The following TULP4 variants were observed in gnomAD, a reference collection of about 807,000 sequenced individuals.
TULP4 encodes TUB like protein 4.
TULP4 carries 16 observed loss-of-function variants against 129.0 expected under a neutral mutation model. The ratio of observed to expected loss-of-function variants is 0.12; its 90% CI spans 0.08 to 0.19. TULP4 has a LOEUF of 0.19. Among genes scored for constraint, TULP4 ranks in the 10% least tolerant of loss-of-function variants. The pLI is 1.00. For missense variants in TULP4, 1,842 were observed against 2,059.1 expected, an observed-to-expected ratio of 0.89 and a Z score of 2.04; for synonymous variants, 998 against 854.0, an observed-to-expected ratio of 1.17 and a Z score of -2.94.
intron 12 of TULP4, among the ~76,000 whole-genome samples, chr6:158,500,692 C>T (rs7753885): frequency 0.46 from 69,456 of 152,092 alleles, 16,786 homozygotes; most frequent in African/African-American, 0.63. Context: ...CTCTGTTAAA[C>T]TCTCACTGTG....
rs185605464 is a variant in TULP4, at chr6:158,467,464, G to A, written c.1026+5735G>A. 1.7e-4 allele frequency among the ~76,000 whole-genome samples: 26 copies of A among 152,072 alleles called. No homozygotes were observed. In the East Asian group the frequency reaches 5.0e-3, roughly 29 times the overall value. ...CCGGCTAATTTTTTGTACTTTTTTAGTAGAGATGGGGTTTTACCATGTTGG... is the reference window on the plus strand; with the variant it reads ...CCGGCTAATTTTTTGTACTTTTTTAATAGAGATGGGGTTTTACCATGTTGG... On this transcript the variant is annotated intron_variant, in intron 6 of 13. Coordinates refer to ENST00000367097, the MANE Select transcript of TULP4 (RefSeq NM_020245.5).
At chr6:158,499,408 T>G (rs1415338518) in intron 12 of TULP4, among the ~76,000 whole-genome samples, 2 of 152,234 alleles carry the variant, frequency 1.3e-5, no homozygotes, top group African/African-American at 4.8e-5. Flanking sequence ...AATTCCAGTT[T>G]TCAAATGGTA....
intron 1 of TULP4, among the ~76,000 whole-genome samples, chr6:158,317,598 G>C (rs1294699551): frequency 6.6e-6 from 1 of 152,100 alleles, no homozygotes; most frequent in Non-Finnish European, 1.5e-5. Context: ...CCAAGTTTTT[G>C]CTATTGTGAA....
intron 1 of TULP4, among the ~76,000 whole-genome samples, chr6:158,390,374 AAAAAAG>A (rs771387899): frequency 3.3e-5 from 5 of 152,322 alleles, no homozygotes; most frequent in Non-Finnish European, 7.3e-5. Context: ...TCTTAAAAAA[AAAAAAG>A]AAAAAGAGTG....
chr6:158,313,608 G>C lies in TULP4; in HGVS notation c.-409G>C, dbSNP rs1384507559. On this transcript the variant is annotated 5_prime_UTR_variant, in exon 1 of 14. Transcript: ENST00000367097. Reference sequence around the variant, plus strand: ...ATGTATTTGCAACCCTTTGTCTCTGGAATCATATTACACTAAACTGGAATC... The same window carrying C: ...ATGTATTTGCAACCCTTTGTCTCTGCAATCATATTACACTAAACTGGAATC... The C allele has an allele frequency of 7.3e-6, 3 of 412,472 alleles. No individual in the cohort carries two copies. The highest frequency in any genetic ancestry group is 1.3e-5 in the Non-Finnish European group (3 of 234,494). The allele number at this position is 412,472 out of a possible 1,614,324, so 25.6% of individuals were successfully genotyped here.
Position 158,242,205 on chromosome 6 carries a change from G to A in TULP4, n.68+9902G>A, listed in dbSNP as rs994390337. 72 of 1,423,864 alleles carry A rather than the reference G, an allele frequency of 5.1e-5. No individual in the cohort carries two copies. The African/African-American group carries it at 7.3e-4, about 14-fold the overall frequency. 88.2% of individuals were successfully genotyped at this position (1,423,864 alleles called of 1,614,324 possible). On this transcript the variant is annotated intron_variant and non_coding_transcript_variant, in intron 1 of 1. Coordinates refer to the TULP4 transcript ENST00000620026. ...CATCAGTGTCTTCTGATAATGAATGGTGGCAAAGACCTTCAGCTTTTTGTA... is the reference window on the plus strand; with the variant it reads ...CATCAGTGTCTTCTGATAATGAATGATGGCAAAGACCTTCAGCTTTTTGTA...
chr6:158,262,726 T>C (rs1778373129), intron 1 of TULP4, among the ~76,000 whole-genome samples: 1 of 152,138 alleles, frequency 6.6e-6, no homozygotes, highest in African/African-American at 2.4e-5. Context: ...GATTCAGAAG[T>C]GGCAGGTGCA....
chr6:158,434,640 G>T (rs1034875562), intron 3 of TULP4, among the ~76,000 whole-genome samples: 2 of 152,140 alleles, frequency 1.3e-5, no homozygotes, highest in Admixed American at 6.5e-5. Flanking sequence ...TATTCTTCCA[G>T]CATGTTTTGG....
Position 158,479,921 on chromosome 6 carries a change from T to G in TULP4, c.1197T>G (p.Thr399=), listed in dbSNP as rs750471157. 3 of 1,611,562 alleles carry G rather than the reference T, an allele frequency of 1.9e-6. No individual in the cohort carries two copies. The highest frequency in any genetic ancestry group is 2.5e-6 in the Non-Finnish European group (3 of 1,179,952). ...AGGACAAGGACGTCAGCAAGCTGAC[T>G]CTGCCCCCCCGCCTCTGCTCCTACC... ...LREDKDVSKL[T]LPPRLCSYLS... The change falls in exon 7 of 14, where the codon ACT becomes ACG. Residue 399 remains threonine, a synonymous_variant. Transcript: ENST00000367097.
At chr6:158,290,812 T>TC (rs898305382) in intron 1 of TULP4, among the ~76,000 whole-genome samples, 5 of 151,968 alleles carry the variant, frequency 3.3e-5, no homozygotes, top group Non-Finnish European at 5.9e-5. Flanking sequence ...TTTTCTACCT[T>TC]CCCCCCCACA....
At chr6:158,292,528 G>A (rs1347174648) in intron 1 of TULP4, among the ~76,000 whole-genome samples, 3 of 152,074 alleles carry the variant, frequency 2.0e-5, no homozygotes, top group Non-Finnish European at 4.4e-5. Context: ...AGTGTGCAGA[G>A]GCCCTTTCAG....
At chr6:158,329,520 T>C (rs1299012249) in intron 1 of TULP4, among the ~76,000 whole-genome samples, 1 of 151,762 alleles carries the variant, frequency 6.6e-6, no homozygotes, top group Admixed American at 6.6e-5. Flanking sequence ...GAAAGCTCTA[T>C]TTTGTAAACT....
chr6:158,444,156 G>A (rs530496299), intron 3 of TULP4, among the ~76,000 whole-genome samples: 1 of 126,382 alleles, frequency 7.9e-6, no homozygotes, highest in African/African-American at 3.0e-5. Context: ...GGAGGCAGAG[G>A]TTGCAGTGAG....
intron 1 of TULP4, among the ~76,000 whole-genome samples, chr6:158,252,841 C>T (rs1204979597): frequency 6.6e-6 from 1 of 152,138 alleles, no homozygotes; most frequent in Non-Finnish European, 1.5e-5. Context: ...CACTAATGTA[C>T]TTTTTCCAGG....
chr6:158,236,411 T>C (rs963547585), intron 1 of TULP4, among the ~76,000 whole-genome samples: 2 of 152,170 alleles, frequency 1.3e-5, no homozygotes, highest in East Asian at 3.8e-4. Flanking sequence ...ATTAGAAAAA[T>C]GGGCTAAGGA....
At chr6:158,506,047 G>C (rs1780592238) in intron 13 of TULP4, among the ~76,000 whole-genome samples, 1 of 151,696 alleles carries the variant, frequency 6.6e-6, no homozygotes, top group Non-Finnish European at 1.5e-5. Context: ...CTTGCTCACT[G>C]TCTCCATTGT....
intron 1 of TULP4, among the ~76,000 whole-genome samples, chr6:158,241,139 T>C: frequency 7.8e-6 from 1 of 127,934 alleles, no homozygotes; most frequent in Non-Finnish European, 1.7e-5. Context: ...TCCCCACATC[T>C]CAGACGATGG....
chr6:158,348,093 G>A (rs534437052), intron 1 of TULP4, among the ~76,000 whole-genome samples: 14 of 147,312 alleles, frequency 9.5e-5, no homozygotes, highest in African/African-American at 2.0e-4. Context: ...CTTAAACAAC[G>A]TAAACCTTAA....
upstream of TULP4, among the ~76,000 whole-genome samples, chr6:158,278,144 A>G (rs139974110): frequency 3.5e-4 from 54 of 152,338 alleles, no homozygotes; most frequent in East Asian, 8.3e-3. Context: ...AGTCTGTTGC[A>G]TGTCGGTCAA....
Sources: gnomAD v4.1 joint callset for allele counts (sites outside exome capture counted in the v4.1 genomes callset) on GRCh38, gnomAD v4.1.1 for gene constraint, MANE v1.5 for transcripts, NCBI Gene and HGNC (gene_info 2026-07-23, HGNC 2026-07-21) for gene names.